Variants in LSAMP observed in about 807,000 individuals in gnomAD.
LSAMP encodes limbic system-associated membrane protein.
In LSAMP, 7 loss-of-function variants were observed where a neutral mutation model predicts 38.6. That is an observed-to-expected ratio of 0.18 (90% CI 0.10 to 0.34). The LOEUF is 0.34. LSAMP is among the 10% of genes least tolerant of loss of function. The pLI is 1.00. For synonymous variants in LSAMP, 154 were observed against 166.8 expected (o/e 0.92, Z 0.59); for missense variants, 313 against 420.0 (o/e 0.75, Z 2.23).
chr3:116,427,177 G>A, intron 1 of LSAMP, among the ~76,000 whole-genome samples: 1 of 143,546 alleles, frequency 7.0e-6, no homozygotes, highest in Non-Finnish European at 1.5e-5. Flanking sequence ...GCGGACTGCA[G>A]TGGCGCAATC....
At chr3:116,189,179 T>G (rs1402119426) in intron 1 of LSAMP, among the ~76,000 whole-genome samples, 1 of 152,154 alleles carries the variant, frequency 6.6e-6, no homozygotes, top group Non-Finnish European at 1.5e-5. Flanking sequence ...TGAAGGCCAC[T>G]CTGAGGAGGG....
At chr3:115,978,677 TAAGAA>T (rs760772977) in intron 3 of LSAMP, among the ~76,000 whole-genome samples, 2 of 149,968 alleles carry the variant, frequency 1.3e-5, no homozygotes, top group Non-Finnish European at 3.0e-5. Context: ...GATGAGAGAC[TAAGAA>T]AAGAATCAAT....
intron 1 of LSAMP, among the ~76,000 whole-genome samples, chr3:116,268,948 G>A (rs193159134): frequency 6.6e-6 from 1 of 152,054 alleles, no homozygotes; most frequent in Admixed American, 6.6e-5. Context: ...GTCACTCAGT[G>A]GGCCCAGGTG....
At chr3:115,818,864 C>CA (rs1934131704) in intron 6 of LSAMP, among the ~76,000 whole-genome samples, 2 of 134,124 alleles carry the variant, frequency 1.5e-5, no homozygotes, top group Non-Finnish European at 3.2e-5. Flanking sequence ...GATTCTAGCA[C>CA]AAAAAAAGTG....
intron 3 of LSAMP, among the ~76,000 whole-genome samples, chr3:115,936,624 A>G (rs1282415470): frequency 6.6e-6 from 1 of 152,154 alleles, no homozygotes; most frequent in Non-Finnish European, 1.5e-5. Context: ...TTTAGGTGAT[A>G]AGAGAAGTAG....
At position 116,078,277 on chromosome 3, in the gene LSAMP, CTTT is replaced by C. The variant is rs60324266; in HGVS notation, c.388+8044_388+8046del. ...ATAATACAAAAGGGCTTTATATCCT[CTTT>C]ATTTATTTATTTATTTATTTATTTT... On this transcript the variant is annotated intron_variant, in intron 2 of 6. Coordinates refer to ENST00000490035, the MANE Select transcript of LSAMP (RefSeq NM_002338.5). 2.8e-3 allele frequency among the ~76,000 whole-genome samples: 426 copies of C among 150,176 alleles called. 5 individuals are homozygous for C. The highest frequency in any genetic ancestry group is 9.8e-3 in the African/African-American group (402 of 41,124).
At chr3:116,214,092 A>G (rs574089445) in intron 1 of LSAMP, among the ~76,000 whole-genome samples, 27 of 152,342 alleles carry the variant, frequency 1.8e-4, no homozygotes, top group Non-Finnish European at 2.8e-4. Flanking sequence ...TAAAAAATTT[A>G]TGGGATATTT....
intron 1 of LSAMP, among the ~76,000 whole-genome samples, chr3:116,171,191 A>G (rs1710189920): frequency 6.6e-6 from 1 of 152,158 alleles, no homozygotes; most frequent in African/African-American, 2.4e-5. Flanking sequence ...GGGTTAATAC[A>G]AATCATGTGC....
rs77051652 is a variant in LSAMP at position 116,100,957 on chromosome 3, C to T, written c.156-14401G>A. ...TGTGCCCTTCTCTGTGATTCATTCTCTCCAATTTCCCTAGTTGATTCTCAG... is the reference window on the plus strand; with the variant it reads ...TGTGCCCTTCTCTGTGATTCATTCTTTCCAATTTCCCTAGTTGATTCTCAG... On this transcript the variant is annotated intron_variant, in intron 1 of 6. Coordinates refer to ENST00000490035, the MANE Select transcript of LSAMP (RefSeq NM_002338.5). Among the ~76,000 whole-genome samples the T allele has an allele frequency of 1.0e-2, 1,516 of 152,290 alleles. 21 individuals carry two copies. Among genetic ancestry groups the T allele is most frequent in the African/African-American group, 0.033 (1,364 of 41,562 alleles).
intron 6 of LSAMP, among the ~76,000 whole-genome samples, chr3:115,830,042 T>C (rs1306261257): frequency 6.6e-5 from 10 of 152,180 alleles, no homozygotes; most frequent in African/African-American, 1.9e-4. Flanking sequence ...TTTGAGCTTG[T>C]AGGCATGAAA....
intron 3 of LSAMP, among the ~76,000 whole-genome samples, chr3:115,907,343 C>T (rs1937030921): frequency 1.3e-5 from 2 of 152,122 alleles, no homozygotes; most frequent in Non-Finnish European, 2.9e-5. Flanking sequence ...GAGGGCTCCA[C>T]CTTCATGAGT....
chr3:116,379,237 A>C (rs2107799599), intron 1 of LSAMP, among the ~76,000 whole-genome samples: 1 of 152,214 alleles, frequency 6.6e-6, no homozygotes, highest in Non-Finnish European at 1.5e-5. Flanking sequence ...CCTAACAAAG[A>C]TATAGTCGCA....
At chr3:116,420,978 C>T (rs1024180048) in intron 1 of LSAMP, among the ~76,000 whole-genome samples, 1 of 151,994 alleles carries the variant, frequency 6.6e-6, no homozygotes, top group Non-Finnish European at 1.5e-5. Flanking sequence ...TAGATCTCCA[C>T]ATTGAAAAAA....
intron 1 of LSAMP, among the ~76,000 whole-genome samples, chr3:116,394,369 A>G (rs1401719627): frequency 1.3e-5 from 2 of 152,232 alleles, no homozygotes; most frequent in South Asian, 4.1e-4. Flanking sequence ...CATATAAGCC[A>G]TTAATAGACC....
chr3:116,012,287 T>G (rs527851761), intron 3 of LSAMP, among the ~76,000 whole-genome samples: 1 of 152,374 alleles, frequency 6.6e-6, no homozygotes, highest in South Asian at 2.1e-4. Context: ...TGCTTGTTTA[T>G]TTTTCTGTGT....
intron 3 of LSAMP, among the ~76,000 whole-genome samples, chr3:115,987,232 C>G (rs1454081444): frequency 6.6e-6 from 1 of 152,164 alleles, no homozygotes; most frequent in African/African-American, 2.4e-5. Context: ...TGGTTAGTCT[C>G]TCCCATAAGA....
At chr3:116,419,360 C>A (rs1460393067) in intron 1 of LSAMP, among the ~76,000 whole-genome samples, 3 of 152,130 alleles carry the variant, frequency 2.0e-5, no homozygotes, top group Non-Finnish European at 4.4e-5. Context: ...CTCAAGAAAT[C>A]ATTTACCGAT....
chr3:116,055,129 G>A (rs1170554796), intron 2 of LSAMP, among the ~76,000 whole-genome samples: 7 of 152,124 alleles, frequency 4.6e-5, no homozygotes, highest in Non-Finnish European at 1.0e-4. Flanking sequence ...ATTTTTCTGT[G>A]TGTTACTCAG....
At chr3:116,396,847 G>T (rs1312835608) in intron 1 of LSAMP, among the ~76,000 whole-genome samples, 1 of 152,172 alleles carries the variant, frequency 6.6e-6, no homozygotes, top group Non-Finnish European at 1.5e-5. Flanking sequence ...CGTTCTTCCA[G>T]TTGCTCAGGC....
Sources: gnomAD v4.1 joint callset for allele counts (sites outside exome capture counted in the v4.1 genomes callset) on GRCh38, gnomAD v4.1.1 for gene constraint, MANE v1.5 for transcripts, NCBI Gene and HGNC (gene_info 2026-07-23, HGNC 2026-07-21) for gene names.